Variants in RUSF1 observed in about 807,000 individuals in gnomAD.
The protein encoded by RUSF1 is RUS family member 1, also known as RUS1 family protein C16orf58.
Under a neutral mutation model 63.0 loss-of-function variants are expected in RUSF1, and 58 were observed. That is an observed-to-expected ratio of 0.92 (90% CI 0.75 to 1.15). The LOEUF is 1.15. RUSF1 is among the 50% of genes most tolerant of loss of function. The pLI, the probability that RUSF1 is intolerant of heterozygous loss-of-function variation, is 0.00. For synonymous variants in RUSF1, 274 were observed against 255.8 expected (o/e 1.07, Z -0.68); for missense variants, 652 against 611.0 (o/e 1.07, Z -0.71).
In RUSF1 at chr16:31,490,276, G is replaced by T. The variant is rs376265028; in HGVS notation, c.*559C>A. On this transcript the variant is annotated 3_prime_UTR_variant, in exon 13 of 13. Coordinates refer to ENST00000327237, the MANE Select transcript of RUSF1 (RefSeq NM_022744.4). ...GTGGGGCTGGAGGAGCTGAGTTCCC[G>T]CAAACTAACTGCAGGGCCTCAATTT... 1.2e-6 allele frequency: 2 copies of T among 1,613,476 alleles called. No individual in the cohort carries two copies. Among genetic ancestry groups the T allele is most frequent in the South Asian group, 1.1e-5 (1 of 91,028 alleles).
At position 31,490,870 on chromosome 16, in the gene RUSF1, T is replaced by C; in HGVS notation, c.1372A>G (p.Thr458Ala). ...HQLEVDEWRATWLLSPEKKVL is the reference protein window; with the variant it reads ...HQLEVDEWRAAWLLSPEKKVL ...TTCTTTTCGGGAGACAGAAGCCATG[T>C]GGCCCTCCACTCATCCACCTCTAGC... is the stretch of plus-strand genomic sequence containing the variant. Residue 458 changes from threonine to alanine, a missense_variant, in exon 13 of 13, where the codon ACA (threonine) becomes GCA (alanine). Physicochemically the swap from Thr to Ala is moderately conservative, Grantham distance 58. Transcript: ENST00000327237. 6.2e-7 allele frequency: 1 copy of C among 1,614,186 alleles called. No individual in the cohort carries two copies. The highest frequency in any genetic ancestry group is 8.5e-7 in the Non-Finnish European group (1 of 1,180,026).
rs192212587 is a variant in RUSF1, at chr16:31,491,560, C to T, written c.1309+449G>A. On this transcript the variant is annotated intron_variant, in intron 12 of 12. Transcript: ENST00000327237. The stretch of plus-strand genomic sequence containing the variant: ...TTGAACTCCTGAGCTCAAGTATCTG[C>T]CCGCCTTGGCCTCCCAAAGTGCTGG... Among the ~76,000 whole-genome samples, 610 of 151,380 alleles carry T rather than the reference C, an allele frequency of 4.0e-3. 2 individuals are homozygous for T. The highest frequency in any genetic ancestry group is 6.9e-3 in the Non-Finnish European group (467 of 67,870).
At chr16:31,497,028 A>G in intron 5 of RUSF1, 78 bp from the exon 6 acceptor site, 1 of 1,232,120 alleles carries the variant, frequency 8.1e-7, no homozygotes, top group South Asian at 1.4e-5. Flanking sequence ...GCTGGAGAAA[A>G]CCTGGCCCCG....
intron 2 of RUSF1, among the ~76,000 whole-genome samples, chr16:31,507,499 G>A (rs1214624977): frequency 1.3e-5 from 2 of 152,204 alleles, no homozygotes; most frequent in African/African-American, 2.4e-5. Context: ...AGGGATAAAG[G>A]GGAGGGGACG....
At chr16:31,498,268 C>G (rs1477053705) in intron 5 of RUSF1, among the ~76,000 whole-genome samples, 1 of 152,138 alleles carries the variant, frequency 6.6e-6, no homozygotes, top group African/African-American at 2.4e-5. Flanking sequence ...GATGAAGAGA[C>G]TGAAGTCTCA....
chr16:31,489,967 G>A lies in RUSF1; in HGVS notation c.*868C>T, dbSNP rs1187319593. 1.0e-5 allele frequency: 12 copies of A among 1,155,352 alleles called. No individual in the cohort carries two copies. The highest frequency in any genetic ancestry group is 1.5e-5 in the Non-Finnish European group (12 of 789,780). The allele number at this position is 1,155,352 out of a possible 1,614,324, so 71.6% of individuals were successfully genotyped here. Reference sequence around the variant, plus strand: ...CAGCCATGTAGGGTGGAGTTGGCATGAGTTAAGCCTGGGCTGGGTGTGTAG... The same window carrying A: ...CAGCCATGTAGGGTGGAGTTGGCATAAGTTAAGCCTGGGCTGGGTGTGTAG... On this transcript the variant is annotated 3_prime_UTR_variant, in exon 13 of 13. Coordinates refer to ENST00000327237, the MANE Select transcript of RUSF1 (RefSeq NM_022744.4).
Position 31,490,874 on chromosome 16 carries a change from C to A in RUSF1, c.1368G>T (p.Arg456Ser). The A allele has an allele frequency of 6.2e-7, 1 of 1,614,156 alleles. No individual in the cohort carries two copies. ...TTTCGGGAGACAGAAGCCATGTGGCCCTCCACTCATCCACCTCTAGCTGGT... is the reference window on the plus strand; with the variant it reads ...TTTCGGGAGACAGAAGCCATGTGGCACTCCACTCATCCACCTCTAGCTGGT... ...EKHQLEVDEW[R>S]ATWLLSPEKK... Residue 456 changes from arginine (R) to serine (S), a missense_variant, in exon 13 of 13, where the codon AGG (arginine) becomes AGT (serine). Coordinates refer to ENST00000327237, the MANE Select transcript of RUSF1 (RefSeq NM_022744.4).
At chr16:31,493,222 G>A (rs1468553293) in intron 9 of RUSF1, 174 bp from the exon 10 acceptor site, 4 of 878,536 alleles carry the variant, frequency 4.6e-6, no homozygotes, top group Non-Finnish European at 7.4e-6. Flanking sequence ...CTTTCTTCCT[G>A]TATCCAGTCA....
rs762207904 is a variant in RUSF1 at position 31,490,983 on chromosome 16, G to A, written c.1310-51C>T. 11 of 1,568,620 alleles carry A rather than the reference G, an allele frequency of 7.0e-6. No homozygotes were observed. In the South Asian group the frequency reaches 1.0e-4, roughly 14 times the overall value. ...CGGGAATGCTGGGGACAAGGGTAAGGAGAGGCACAGGCTGGGTGCAGGCTT... is the reference window on the plus strand; with the variant it reads ...CGGGAATGCTGGGGACAAGGGTAAGAAGAGGCACAGGCTGGGTGCAGGCTT... On this transcript the variant is annotated intron_variant, in intron 12 of 12. Coordinates refer to ENST00000327237, the MANE Select transcript of RUSF1 (RefSeq NM_022744.4).
In RUSF1 at chr16:31,502,791, G is replaced by A. The variant is rs969973848; in HGVS notation, c.416-2060C>T. Among the ~76,000 whole-genome samples, 4 of 152,318 alleles carry A rather than the reference G, an allele frequency of 2.6e-5. No individual in the cohort carries two copies. In the East Asian group the frequency reaches 7.7e-4, roughly 29 times the overall value. ...CATCATTGTGCCAGCCACCACACCTGGCTAACTTTTGTATTTTTAGTAGAG... is the reference window on the plus strand; with the variant it reads ...CATCATTGTGCCAGCCACCACACCTAGCTAACTTTTGTATTTTTAGTAGAG... On this transcript the variant is annotated intron_variant, in intron 2 of 12. Coordinates refer to ENST00000327237, the MANE Select transcript of RUSF1 (RefSeq NM_022744.4).
rs770600633 is a variant in RUSF1 at position 31,493,689 on chromosome 16, C to T, written c.872G>A (p.Arg291Gln). 19 of 1,614,112 alleles carry T rather than the reference C, an allele frequency of 1.2e-5. No homozygotes were observed. Among genetic ancestry groups the T allele is most frequent in the East Asian group, 6.7e-5 (3 of 44,898 alleles). The change falls in exon 8 of 13, where the codon CGG becomes CAG. Residue 291 changes from arginine to glutamine, a missense_variant. Transcript: ENST00000327237. ...GTAGTGCTTCAGGACCAGCCGGAGC[C>T]GGCCTTCGTTCAAGGTCTCCATGAC... is the stretch of plus-strand genomic sequence containing the variant. The part of the protein sequence containing the change: ...ALVMETLNEG[R>Q]LRLVLKHYLQ...
chr16:31,496,940 C>T lies in RUSF1; in HGVS notation c.611G>A (p.Ser204Asn), dbSNP rs759352315. 6 of 1,606,956 alleles carry T rather than the reference C, an allele frequency of 3.7e-6. No individual in the cohort carries two copies. Among genetic ancestry groups the T allele is most frequent in the Non-Finnish European group, 5.1e-6 (6 of 1,177,324 alleles). Residue 204 changes from serine (S) to asparagine (N), a missense_variant, in exon 6 of 13, where the codon AGT becomes AAT. By Grantham distance (46) the Ser-to-Asn change is conservative. Transcript: ENST00000327237. ...AGCCCGAGTGGCCCCACCAGCAACA[C>T]TCACGATGCACTGGGTGGGAGGGGA... ...STSNLAKCIV[S>N]VAGGATRAAL...
rs189028330 is a variant in RUSF1 at position 31,489,548 on chromosome 16, G to C, written c.*1287C>G. The C allele has an allele frequency of 3.6e-4, 221 of 616,894 alleles. No individual in the cohort carries two copies. Among genetic ancestry groups the C allele is most frequent in the African/African-American group, 3.2e-3 (174 of 54,654 alleles). The allele number at this position is 616,894 out of a possible 1,614,324, so 38.2% of individuals were successfully genotyped here. ...GGGGAGGCTTGATGTTGATGGGTTG[G>C]TGATTAAAGCCTCCCAAAGCCAATC... On this transcript the variant is annotated 3_prime_UTR_variant, in exon 13 of 13. Transcript: ENST00000327237.
rs984751982 is a variant in RUSF1 at position 31,495,523 on chromosome 16, C to T, written c.702+1326G>A. On this transcript the variant is annotated intron_variant, in intron 6 of 12. Transcript: ENST00000327237. ...CGGATATGTCCCTGGCTCTGTGGAC[C>T]GAGGAAGCCCTGGGGTCTTGGGAAA... Among the ~76,000 whole-genome samples, 19 of 151,982 alleles carry T rather than the reference C, an allele frequency of 1.3e-4. 1 individual carries two copies. The highest frequency in any genetic ancestry group is 2.2e-4 in the Non-Finnish European group (15 of 67,990).
intron 12 of RUSF1, among the ~76,000 whole-genome samples, 189 bp from the exon 13 acceptor site, chr16:31,491,121 TG>T (rs2082564468): frequency 2.0e-5 from 3 of 152,184 alleles, no homozygotes; most frequent in Admixed American, 2.0e-4. Flanking sequence ...AGAAGAGCGC[TG>T]GGATGGAACA....
Position 31,508,179 on chromosome 16 carries a change from G to A in RUSF1, c.195C>T (p.Ala65=), listed in dbSNP as rs75670535. Residue 65 remains alanine (A), a synonymous_variant, in exon 1 of 13, where the codon GCC becomes GCT. Transcript: ENST00000327237. Reference sequence around the variant, plus strand: ...GGAGCCCGGAGAGGGGCGGTGAGGGGGCCCCGGAAGCCCCCACTTCGCCCG... The same window carrying A: ...GGAGCCCGGAGAGGGGCGGTGAGGGAGCCCCGGAAGCCCCCACTTCGCCCG... ...RDAGEVGASG[A]PSPPLSGLQA... is the part of the protein sequence containing the mutation. The A allele has an allele frequency of 3.7e-3, 5,831 of 1,572,898 alleles. 170 individuals carry two copies. In the African/African-American group the frequency reaches 0.069, roughly 19 times the overall value.
chr16:31,502,788 C>T (rs867357119), intron 2 of RUSF1, among the ~76,000 whole-genome samples: 10 of 152,266 alleles, frequency 6.6e-5, no homozygotes, highest in Non-Finnish European at 1.3e-4. Flanking sequence ...AGCCACCACA[C>T]CTGGCTAACT....
In RUSF1 at chr16:31,508,354, A is replaced by C; in HGVS notation, c.20T>G (p.Leu7Trp). Reference sequence around the variant, plus strand: ...CTGCTCGGAACACAGCGGGGTCTCCAAACCCGCGTCGTCAGCCATGCCGAG... The same window carrying C: ...CTGCTCGGAACACAGCGGGGTCTCCCAACCCGCGTCGTCAGCCATGCCGAG... Reference protein sequence around the residue: MADDAGLETPLCSEQFG... With the variant: MADDAGWETPLCSEQFG... Residue 7 changes from leucine (L) to tryptophan (W), a missense_variant, in exon 1 of 13, where the codon TTG (leucine) becomes TGG (tryptophan). Coordinates refer to ENST00000327237, the MANE Select transcript of RUSF1 (RefSeq NM_022744.4). The C allele has an allele frequency of 1.3e-6, 2 of 1,530,342 alleles. No homozygotes were observed. Among genetic ancestry groups the C allele is most frequent in the East Asian group, 2.4e-5 (1 of 41,390 alleles). 94.8% of individuals were successfully genotyped at this position (1,530,342 alleles called of 1,614,324 possible).
chr16:31,507,708 C>T, intron 2 of RUSF1, 56 bp downstream of exon 2: 1 of 1,495,524 alleles, frequency 6.7e-7, no homozygotes, highest in Non-Finnish European at 9.1e-7. Flanking sequence ...ACATAAGAGC[C>T]CAGCGAAAGC....
Sources: gnomAD v4.1 joint callset for allele counts (sites outside exome capture counted in the v4.1 genomes callset) on GRCh38, gnomAD v4.1.1 for gene constraint, MANE v1.5 for transcripts, NCBI Gene and HGNC (gene_info 2026-07-23, HGNC 2026-07-21) for gene names.